Variants in WNT3 observed in about 807,000 individuals in gnomAD.
The protein encoded by WNT3 is proto-oncogene Wnt-3.
A neutral mutation model predicts 34.2 loss-of-function variants in WNT3; 7 were observed. The observed-to-expected ratio is 0.20, with a 90% CI of 0.12 to 0.38. The LOEUF is 0.38. Among genes scored for constraint, WNT3 ranks in the 10% least tolerant of loss-of-function variants. WNT3 has a pLI of 1.00. For missense variants in WNT3, 267 were observed against 499.8 expected (o/e 0.53, Z 4.44); for synonymous variants, 212 against 211.5 (o/e 1.00, Z -0.02).
intron 1 of WNT3, among the ~76,000 whole-genome samples, chr17:46,796,566 A>G (rs1010303080): frequency 6.6e-6 from 1 of 152,170 alleles, no homozygotes; most frequent in Admixed American, 6.5e-5. Context: ...TGTATGTCCC[A>G]CTCGGGGCAC....
intron 2 of WNT3, among the ~76,000 whole-genome samples, chr17:46,770,638 G>A (rs564626722): frequency 6.6e-6 from 1 of 152,244 alleles, no homozygotes; most frequent in African/African-American, 2.4e-5. Flanking sequence ...TCACCAGGAG[G>A]GCAGTGGCCC....
intron 1 of WNT3, among the ~76,000 whole-genome samples, chr17:46,818,207 G>A (rs945889955): frequency 6.6e-5 from 10 of 152,096 alleles, no homozygotes; most frequent in Admixed American, 6.5e-5. Flanking sequence ...GCAAATGGGG[G>A]GTCTTCGGGG....
chr17:46,770,577 A>C (rs1328531443), intron 2 of WNT3, among the ~76,000 whole-genome samples: 2 of 152,074 alleles, frequency 1.3e-5, no homozygotes, highest in Non-Finnish European at 2.9e-5. Flanking sequence ...TCTCGGTCTC[A>C]GTCGCCCTTT....
chr17:46,785,794 C>T (rs539434170), intron 1 of WNT3, among the ~76,000 whole-genome samples: 36 of 151,920 alleles, frequency 2.4e-4, no homozygotes, highest in African/African-American at 7.7e-4. Flanking sequence ...GCTGCGGGCC[C>T]TGTGCTCCAT....
intron 1 of WNT3, among the ~76,000 whole-genome samples, chr17:46,780,742 G>A (rs970510114): frequency 5.9e-5 from 9 of 151,800 alleles, no homozygotes; most frequent in African/African-American, 1.2e-4. Flanking sequence ...GCGCCACTGC[G>A]CTCCAGCCTG....
At chr17:46,770,491 C>G (rs1416838501) in intron 2 of WNT3, among the ~76,000 whole-genome samples, 1 of 152,148 alleles carries the variant, frequency 6.6e-6, no homozygotes, top group Non-Finnish European at 1.5e-5. Flanking sequence ...GGAGGGAGGC[C>G]TGGGAATCTA....
chr17:46,817,054 C>T (rs1242574972), intron 1 of WNT3, among the ~76,000 whole-genome samples: 2 of 152,184 alleles, frequency 1.3e-5, no homozygotes, highest in Admixed American at 1.3e-4. Context: ...GAAAGACTTC[C>T]CCTTGGCTGG....
intron 1 of WNT3, among the ~76,000 whole-genome samples, chr17:46,802,314 G>A (rs911718857): frequency 6.6e-6 from 1 of 152,138 alleles, no homozygotes; most frequent in African/African-American, 2.4e-5. Context: ...CTCCCTGGCT[G>A]GAGTGCAGTG....
At chr17:46,805,586 A>G (rs1049492704) in intron 1 of WNT3, among the ~76,000 whole-genome samples, 6 of 152,102 alleles carry the variant, frequency 3.9e-5, no homozygotes, top group Non-Finnish European at 7.3e-5. Context: ...AAAATAAATA[A>G]AAATAAAAAT....
intron 1 of WNT3, among the ~76,000 whole-genome samples, chr17:46,774,382 T>G (rs1381796864): frequency 6.6e-6 from 1 of 152,194 alleles, no homozygotes; most frequent in Non-Finnish European, 1.5e-5. Flanking sequence ...ACACTACCCT[T>G]GGCAATGCCC....
chr17:46,766,340 G>A (rs1156323173), intron 4 of WNT3, among the ~76,000 whole-genome samples: 3 of 151,920 alleles, frequency 2.0e-5, no homozygotes, highest in East Asian at 3.9e-4. Flanking sequence ...CCCAGGTGGC[G>A]GAGGTTACAG....
intron 4 of WNT3, among the ~76,000 whole-genome samples, chr17:46,765,504 C>T (rs2059304431): frequency 6.6e-6 from 1 of 152,290 alleles, no homozygotes; most frequent in African/African-American, 2.4e-5. Flanking sequence ...GCTCTCTCCT[C>T]ACCGTGTGGA....
At chr17:46,770,532 C>T (rs543676746) in intron 2 of WNT3, among the ~76,000 whole-genome samples, 2 of 152,254 alleles carry the variant, frequency 1.3e-5, no homozygotes, top group East Asian at 3.9e-4. Flanking sequence ...CCACCCCTTC[C>T]GCACGTGGAT....
chr17:46,784,384 G>C (rs1044081529), intron 1 of WNT3, among the ~76,000 whole-genome samples: 2 of 152,326 alleles, frequency 1.3e-5, no homozygotes, highest in African/African-American at 4.8e-5. Context: ...AGGGACGGAA[G>C]CTAGAAATCC....
intron 1 of WNT3, among the ~76,000 whole-genome samples, chr17:46,807,928 A>G (rs1434620523): frequency 6.6e-6 from 1 of 152,228 alleles, no homozygotes; most frequent in Admixed American, 6.5e-5. Flanking sequence ...AATAAAGCTG[A>G]AGGTCGAATT....
At chr17:46,777,059 G>A (rs1397048259) in intron 1 of WNT3, among the ~76,000 whole-genome samples, 2 of 152,114 alleles carry the variant, frequency 1.3e-5, no homozygotes, top group African/African-American at 2.4e-5. Flanking sequence ...GAAAAACAGA[G>A]GCCGACCATG....
At chr17:46,797,854 T>C (rs939936088) in intron 1 of WNT3, among the ~76,000 whole-genome samples, 1 of 152,244 alleles carries the variant, frequency 6.6e-6, no homozygotes, top group African/African-American at 2.4e-5. Context: ...ACATGCAGTA[T>C]AACACCATTT....
intron 1 of WNT3, among the ~76,000 whole-genome samples, chr17:46,784,663 G>A (rs1000367011): frequency 2.0e-5 from 3 of 152,148 alleles, no homozygotes; most frequent in African/African-American, 7.2e-5. Flanking sequence ...GCCCAGGTCT[G>A]GCTTGTGTTT....
At chr17:46,795,463 A>C (rs2084041158) in intron 1 of WNT3, among the ~76,000 whole-genome samples, 1 of 152,168 alleles carries the variant, frequency 6.6e-6, no homozygotes, top group Non-Finnish European at 1.5e-5. Flanking sequence ...AAGGGACGAC[A>C]GCAAATTCTC....
Sources: gnomAD v4.1 joint callset for allele counts (sites outside exome capture counted in the v4.1 genomes callset) on GRCh38, gnomAD v4.1.1 for gene constraint, MANE v1.5 for transcripts, NCBI Gene and HGNC (gene_info 2026-07-23, HGNC 2026-07-21) for gene names.